The following CELF2 variants were observed in gnomAD, a reference collection of about 807,000 sequenced individuals.
The protein encoded by CELF2 is CUG triplet repeat RNA-binding protein 2.
A neutral mutation model predicts 62.6 loss-of-function variants in CELF2; 8 were observed. The observed-to-expected ratio is 0.13, with a 90% CI of 0.07 to 0.23. The LOEUF (loss-of-function observed/expected upper bound fraction) is 0.23, where lower values mean the gene tolerates loss of function less well. Ranked by LOEUF, CELF2 falls within the 10% of genes least tolerant of loss-of-function variation. The pLI, the probability that CELF2 is intolerant of heterozygous loss-of-function variation, is 1.00. For missense variants in CELF2, 333 were observed against 671.0 expected, an observed-to-expected ratio of 0.50 and a Z score of 5.56; for synonymous variants, 258 against 250.0, an observed-to-expected ratio of 1.03 and a Z score of -0.30.
rs150482623 is a variant in CELF2 at position 11,220,227 on chromosome 10, A to T, written c.354+2720A>T. Among the ~76,000 whole-genome samples the T allele has an allele frequency of 6.6e-6, 1 of 152,182 alleles. No individual in the cohort carries two copies. The highest frequency in any genetic ancestry group is 1.5e-5 in the Non-Finnish European group (1 of 68,030). On this transcript the variant is annotated intron_variant, in intron 3 of 12. Transcript: ENST00000633077. The surrounding 1 kb of genome is among the most constrained non-coding windows in gnomAD (Gnocchi z 4.4). ...TTTCGATTTAAAACAAGATCAAATA[A>T]TGCTAGGGTTTTTTCCGATGTAATT...
the CELF2 span, among the ~76,000 whole-genome samples, chr10:10,548,668 C>T: frequency 1.3e-5 from 2 of 152,108 alleles, no homozygotes; most frequent in Admixed American, 1.3e-4. Flanking sequence ...TTAGAAAATG[C>T]TTCAAGGTTT....
chr10:10,609,768 C>A, the CELF2 span, among the ~76,000 whole-genome samples: 1 of 152,162 alleles, frequency 6.6e-6, no homozygotes, highest in Non-Finnish European at 1.5e-5. Flanking sequence ...TGGTTTTAGC[C>A]AACTCACCCA....
chr10:10,812,013 G>A (rs1321402063), intron 1 of CELF2, among the ~76,000 whole-genome samples: 2 of 152,270 alleles, frequency 1.3e-5, no homozygotes, highest in Non-Finnish European at 2.9e-5. Flanking sequence ...CCAGTCCACA[G>A]TAAAGATAAT....
chr10:11,127,020 A>T (rs1242943162), intron 1 of CELF2, among the ~76,000 whole-genome samples: 1 of 151,746 alleles, frequency 6.6e-6, no homozygotes, highest in South Asian at 2.1e-4. Context: ...TATATTAGGT[A>T]TTTCTCCTAA....
At chr10:10,975,748 C>T (rs1770329738) in intron 2 of CELF2, among the ~76,000 whole-genome samples, 1 of 152,226 alleles carries the variant, frequency 6.6e-6, no homozygotes, top group African/African-American at 2.4e-5. Context: ...AGCCCCAAAG[C>T]TGGGCTTAAC....
the CELF2 span, among the ~76,000 whole-genome samples, chr10:10,760,834 C>G: frequency 2.0e-5 from 3 of 152,156 alleles, no homozygotes; most frequent in African/African-American, 7.2e-5. Context: ...AAACTCCTGG[C>G]AGGGCTCAGG....
At chr10:10,778,962 T>C in the CELF2 span, among the ~76,000 whole-genome samples, 2 of 152,134 alleles carry the variant, frequency 1.3e-5, no homozygotes, top group Admixed American at 1.3e-4. Context: ...CAATCAGGCC[T>C]AACTAATGAA....
the CELF2 span, among the ~76,000 whole-genome samples, chr10:10,646,203 G>C: frequency 1.2e-4 from 18 of 152,146 alleles, no homozygotes; most frequent in Non-Finnish European, 2.5e-4. Context: ...GCTACAAAGA[G>C]TAGAGTCTGG....
At chr10:10,913,858 A>AAGGAAGGAAGGAAGGAAG (rs1554880057) in intron 1 of CELF2, among the ~76,000 whole-genome samples, 49 of 101,146 alleles carry the variant, frequency 4.8e-4, no homozygotes, top group South Asian at 1.4e-3. Context: ...AGGGAAGGAG[A>AAGGAAGGAAGGAAGGAAG]GAAGGAAGGA....
chr10:10,832,636 C>T (rs547519890), intron 1 of CELF2, among the ~76,000 whole-genome samples: 6 of 152,270 alleles, frequency 3.9e-5, no homozygotes, highest in African/African-American at 1.4e-4. Context: ...ATGATCAAAT[C>T]AATTGACTAA....
the CELF2 span, among the ~76,000 whole-genome samples, chr10:10,595,812 CTTG>C: frequency 6.6e-6 from 1 of 152,162 alleles, no homozygotes; most frequent in Non-Finnish European, 1.5e-5. Context: ...AGGCAAATTG[CTTG>C]AGCCCAGGGG....
At chr10:10,525,183 G>A in the CELF2 span, among the ~76,000 whole-genome samples, 3 of 152,020 alleles carry the variant, frequency 2.0e-5, no homozygotes, top group South Asian at 2.1e-4. Flanking sequence ...TATATCATAC[G>A]TTGTTAATAA....
intron 9 of CELF2, among the ~76,000 whole-genome samples, chr10:11,294,376 C>T (rs2092903335): frequency 6.6e-6 from 1 of 152,148 alleles, no homozygotes; most frequent in Non-Finnish European, 1.5e-5. Context: ...GTATTTTTTA[C>T]TTATACCACA....
chr10:11,239,300 A>T (rs10905921), intron 3 of CELF2, among the ~76,000 whole-genome samples: 1 of 151,944 alleles, frequency 6.6e-6, no homozygotes, highest in African/African-American at 2.4e-5. Flanking sequence ...ACAAAGGCTG[A>T]TTTGGAGCCT....
At chr10:11,013,392 C>T (rs1207995534), upstream of CELF2, among the ~76,000 whole-genome samples, 7 of 152,200 alleles carry the variant, frequency 4.6e-5, no homozygotes, top group African/African-American at 1.7e-4. The surrounding 1 kb of genome is among the most constrained non-coding windows in gnomAD (Gnocchi z 4.1). Context: ...GAGAGATCCA[C>T]AGTGCTAACA....
chr10:10,736,907 A>T, the CELF2 span, among the ~76,000 whole-genome samples: 6 of 152,136 alleles, frequency 3.9e-5, no homozygotes, highest in African/African-American at 1.4e-4. Flanking sequence ...GAAAGAGTCA[A>T]TATGCCTTCC....
At chr10:10,871,358 TAATGTC>T (rs1180210478) in intron 1 of CELF2, among the ~76,000 whole-genome samples, 3 of 152,252 alleles carry the variant, frequency 2.0e-5, no homozygotes, top group African/African-American at 7.2e-5. Context: ...GCGCCACATC[TAATGTC>T]ATGGTTTCTA....
At chr10:10,546,344 T>A in the CELF2 span, among the ~76,000 whole-genome samples, 2 of 152,156 alleles carry the variant, frequency 1.3e-5, no homozygotes, top group Non-Finnish European at 2.9e-5. Context: ...CGGATGCTTT[T>A]GTTCAGAGTT....
rs2064652122 is a variant in CELF2 at position 11,054,284 on chromosome 10, T to C, written c.74+36121T>C. 2.0e-5 allele frequency among the ~76,000 whole-genome samples: 3 copies of C among 152,358 alleles called. No homozygotes were observed. In the South Asian group the frequency reaches 6.2e-4, roughly 32 times the overall value. On this transcript the variant is annotated intron_variant, in intron 1 of 12. Transcript: ENST00000633077. Reference sequence around the variant, plus strand: ...TATCTTTCCTTCACCAAAGCTTTGATCTTTCATCTTGCCCTTATTGTATCA... The same window carrying C: ...TATCTTTCCTTCACCAAAGCTTTGACCTTTCATCTTGCCCTTATTGTATCA...
Sources: gnomAD v4.1 joint callset for allele counts (sites outside exome capture counted in the v4.1 genomes callset) on GRCh38, gnomAD v4.1.1 for gene constraint, Gnocchi (gnomAD v3.1) non-coding constraint, MANE v1.5 for transcripts, NCBI Gene and HGNC (gene_info 2026-07-23, HGNC 2026-07-21) for gene names.